The following DGKI variants were observed in gnomAD, a reference collection of about 807,000 sequenced individuals.
The protein encoded by DGKI is DAG kinase iota.
A neutral mutation model predicts 147.5 loss-of-function variants in DGKI; 55 were observed. That is an observed-to-expected ratio of 0.37 (90% CI 0.30 to 0.47). The LOEUF (loss-of-function observed/expected upper bound fraction) is 0.47, where lower values mean the gene tolerates loss of function less well. Among genes scored for constraint, DGKI ranks in the 20% least tolerant of loss-of-function variants. The pLI is 1.00. For missense variants in DGKI, 1,007 were observed against 1,323.8 expected (o/e 0.76, Z 3.71); for synonymous variants, 469 against 477.1 (o/e 0.98, Z 0.22).
chr7:137,446,996 A>G (rs573683151), intron 27 of DGKI, among the ~76,000 whole-genome samples: 1 of 152,298 alleles, frequency 6.6e-6, no homozygotes, highest in Non-Finnish European at 1.5e-5. Flanking sequence ...CTGCCCTTAT[A>G]GTGTAAACTA....
intron 32 of DGKI, among the ~76,000 whole-genome samples, chr7:137,393,123 G>C (rs1378437718): frequency 6.6e-6 from 1 of 152,024 alleles, no homozygotes; most frequent in East Asian, 1.9e-4. Context: ...TCTAGGTCTA[G>C]GTTGTGAGGT....
At chr7:137,831,950 G>A (rs1368988682) in intron 1 of DGKI, among the ~76,000 whole-genome samples, 1 of 152,230 alleles carries the variant, frequency 6.6e-6, no homozygotes, top group Non-Finnish European at 1.5e-5. Flanking sequence ...CCCCATGCAA[G>A]TCTGAAATTC....
At chr7:137,597,473 T>G (rs1182686108) in intron 12 of DGKI, among the ~76,000 whole-genome samples, 1 of 152,160 alleles carries the variant, frequency 6.6e-6, no homozygotes, top group African/African-American at 2.4e-5. Context: ...ACATAATAAT[T>G]CAATTGTGTC....
At chr7:137,765,555 T>G (rs1414816204) in intron 1 of DGKI, among the ~76,000 whole-genome samples, 1 of 152,180 alleles carries the variant, frequency 6.6e-6, no homozygotes, top group Non-Finnish European at 1.5e-5. Flanking sequence ...ACCTCACTAA[T>G]GATATTCCTT....
At chr7:137,499,799 C>T (rs1274549225) in intron 21 of DGKI, among the ~76,000 whole-genome samples, 2 of 152,118 alleles carry the variant, frequency 1.3e-5, no homozygotes, top group Non-Finnish European at 2.9e-5. Context: ...TTCTTGGCCA[C>T]TATAATTGCA....
intron 21 of DGKI, among the ~76,000 whole-genome samples, chr7:137,517,255 AG>A: frequency 7.9e-6 from 1 of 126,034 alleles, no homozygotes; most frequent in African/African-American, 3.8e-5. Flanking sequence ...GAAAAGAAAA[AG>A]AAAGAAAGAA....
intron 12 of DGKI, among the ~76,000 whole-genome samples, chr7:137,588,720 C>T (rs1000635217): frequency 3.9e-5 from 6 of 152,146 alleles, no homozygotes; most frequent in Non-Finnish European, 8.8e-5. Flanking sequence ...TTGTGATCTG[C>T]CCACCTCGGC....
intron 1 of DGKI, among the ~76,000 whole-genome samples, chr7:137,804,893 T>C (rs575939995): frequency 6.6e-6 from 1 of 152,348 alleles, no homozygotes; most frequent in South Asian, 2.1e-4. Flanking sequence ...CCAGGTCTCC[T>C]TTTTTATGTT....
In DGKI at chr7:137,384,146, A is replaced by G. The variant is rs1280193723; in HGVS notation, c.*7074T>C. The stretch of plus-strand genomic sequence containing the variant: ...CATTCAGAAATTATATCATCCTAAT[A>G]GTGACTTCAAAGGAAGAAAAATAGG... On this transcript the variant is annotated 3_prime_UTR_variant, in exon 33 of 33. Coordinates refer to ENST00000614521, the MANE Select transcript of DGKI (RefSeq NM_001321708.2). The G allele has an allele frequency of 6.6e-6, 1 of 152,078 alleles. No individual in the cohort carries two copies. Among genetic ancestry groups the G allele is most frequent in the Non-Finnish European group, 1.5e-5 (1 of 67,966 alleles). The allele number at this position is 152,078 out of a possible 1,614,324, so 9.4% of individuals were successfully genotyped here.
intron 29 of DGKI, among the ~76,000 whole-genome samples, chr7:137,410,832 G>C (rs1030499257): frequency 6.6e-6 from 1 of 152,136 alleles, no homozygotes; most frequent in South Asian, 2.1e-4. Context: ...GATGGTATGG[G>C]CTTAATCCAC....
At chr7:137,458,388 G>A (rs998717292) in intron 27 of DGKI, among the ~76,000 whole-genome samples, 4 of 152,156 alleles carry the variant, frequency 2.6e-5, no homozygotes, top group African/African-American at 9.7e-5. Flanking sequence ...CTGTGTCTTA[G>A]TCTAGTGGCA....
Position 137,656,514 on chromosome 7 carries a change from T to G in DGKI, c.633A>C (p.Ala211=). Residue 211 remains alanine (A), a synonymous_variant, in exon 4 of 33, where the codon GCA becomes GCC. Transcript: ENST00000614521. ...FAKSALRRKC[A]VCKIVVHTAC... ...CGGTGTGGACGACGATTTTACAGAC[T>G]GCACACTTCCTCCTGAGAGCTGATT... 1 of 1,614,208 alleles carries G rather than the reference T, an allele frequency of 6.2e-7. No individual in the cohort carries two copies. Among genetic ancestry groups the G allele is most frequent in the Non-Finnish European group, 8.5e-7 (1 of 1,180,038 alleles).
At chr7:137,754,819 G>A (rs1337123253) in intron 1 of DGKI, among the ~76,000 whole-genome samples, 1 of 152,144 alleles carries the variant, frequency 6.6e-6, no homozygotes, top group African/African-American at 2.4e-5. Context: ...GACAGCCACA[G>A]CCCTGCTTGA....
intron 7 of DGKI, among the ~76,000 whole-genome samples, chr7:137,620,513 T>C (rs968646627): frequency 2.0e-5 from 3 of 152,130 alleles, no homozygotes; most frequent in African/African-American, 7.2e-5. Context: ...AAGCATGATG[T>C]CTCTTCTACA....
chr7:137,819,955 CAGAG>C (rs1169527899), intron 1 of DGKI, among the ~76,000 whole-genome samples: 1 of 152,262 alleles, frequency 6.6e-6, no homozygotes, highest in Non-Finnish European at 1.5e-5. Context: ...CTGACCCTCT[CAGAG>C]AGCATCGTTG....
chr7:137,738,734 CCT>C (rs1795093711), intron 1 of DGKI, among the ~76,000 whole-genome samples: 2 of 150,032 alleles, frequency 1.3e-5, no homozygotes, highest in African/African-American at 4.9e-5. Flanking sequence ...TCCCCCCCCC[CCT>C]TTCCTTTTCA....
At chr7:137,512,797 T>C (rs1278770702) in intron 21 of DGKI, among the ~76,000 whole-genome samples, 2 of 152,250 alleles carry the variant, frequency 1.3e-5, no homozygotes, top group East Asian at 3.9e-4. Context: ...TATTTTCTTA[T>C]AAAGAAAGAA....
intron 19 of DGKI, among the ~76,000 whole-genome samples, chr7:137,569,849 T>A (rs964002595): frequency 7.2e-6 from 1 of 139,840 alleles, no homozygotes; most frequent in African/African-American, 2.7e-5. Context: ...GCAATAAACA[T>A]AAAAAGCTCT....
chr7:137,738,789 C>T (rs1010084119), intron 1 of DGKI, among the ~76,000 whole-genome samples: 1 of 151,102 alleles, frequency 6.6e-6, no homozygotes, highest in South Asian at 2.1e-4. Context: ...TGCCAGACTT[C>T]CATTGTCTAT....
Sources: gnomAD v4.1 joint callset for allele counts (sites outside exome capture counted in the v4.1 genomes callset) on GRCh38, gnomAD v4.1.1 for gene constraint, MANE v1.5 for transcripts, NCBI Gene and HGNC (gene_info 2026-07-23, HGNC 2026-07-21) for gene names.